NCOA3: variants seen among roughly 807,000 people sequenced by gnomAD.
NCOA3 encodes the protein nuclear receptor coactivator 3.
NCOA3 carries 51 observed loss-of-function variants against 158.8 expected under a neutral mutation model. That is an observed-to-expected ratio of 0.32 (90% confidence interval 0.26 to 0.41). The LOEUF (loss-of-function observed/expected upper bound fraction) is 0.41, where lower values mean the gene tolerates loss of function less well. Among genes scored for constraint, NCOA3 ranks in the 10% least tolerant of loss-of-function variants. NCOA3 has a pLI of 1.00. For synonymous variants in NCOA3, 537 were observed against 592.4 expected (o/e 0.91, Z 1.36); for missense variants, 1,510 against 1,746.6 (o/e 0.86, Z 2.41).
At chr20:47,614,518 T>A (rs55737505) in intron 2 of NCOA3, among the ~76,000 whole-genome samples, 35,036 of 151,944 alleles carry the variant, frequency 0.23, 4,182 homozygotes, top group Middle Eastern at 0.3. Context: ...ACACCAAACC[T>A]CTCTCTAATT....
chr20:47,577,493 G>A (rs1268451957), intron 1 of NCOA3, among the ~76,000 whole-genome samples: 1 of 152,186 alleles, frequency 6.6e-6, no homozygotes, highest in Non-Finnish European at 1.5e-5. Flanking sequence ...ACTCTCATGG[G>A]ACTCTGGTCT....
At chr20:47,587,963 A>C (rs1201670216) in intron 2 of NCOA3, among the ~76,000 whole-genome samples, 1 of 152,026 alleles carries the variant, frequency 6.6e-6, no homozygotes, top group Non-Finnish European at 1.5e-5. Context: ...AATACATCTA[A>C]AATAATTTCA....
rs185952267 is a variant in NCOA3, at chr20:47,521,029, C to T, written c.-99+19010C>T. 2.6e-5 allele frequency among the ~76,000 whole-genome samples: 4 copies of T among 152,362 alleles called. No individual in the cohort carries two copies. In the East Asian group the frequency reaches 7.7e-4, roughly 29 times the overall value. On this transcript the variant is annotated intron_variant, in intron 1 of 22. Coordinates refer to ENST00000371998, the MANE Select transcript of NCOA3 (RefSeq NM_181659.3). ...CACATTTAGCCCTTCAGAATTTGAC[C>T]ACCAAGGAAGTACTCTACCGGCTCC... is the stretch of plus-strand genomic sequence containing the variant.
chr20:47,538,627 TC>T (rs2084673040), intron 1 of NCOA3, among the ~76,000 whole-genome samples: 1 of 151,998 alleles, frequency 6.6e-6, no homozygotes, highest in Non-Finnish European at 1.5e-5. Flanking sequence ...AACCTCTGCC[TC>T]CCGGGTTCAA....
At chr20:47,509,948 A>G (rs1404550979) in intron 1 of NCOA3, among the ~76,000 whole-genome samples, 2 of 152,232 alleles carry the variant, frequency 1.3e-5, no homozygotes, top group Non-Finnish European at 2.9e-5. Context: ...TTGGAACAGT[A>G]GTTGACTACA....
At chr20:47,548,674 A>G (rs2084875980) in intron 1 of NCOA3, among the ~76,000 whole-genome samples, 1 of 152,250 alleles carries the variant, frequency 6.6e-6, no homozygotes, top group Admixed American at 6.5e-5. Context: ...TGCTTTTAAA[A>G]AAGTGTGCAT....
intron 1 of NCOA3, among the ~76,000 whole-genome samples, chr20:47,577,747 A>G (rs1192844130): frequency 1.3e-5 from 2 of 152,256 alleles, no homozygotes; most frequent in African/African-American, 2.4e-5. Flanking sequence ...ATCTAACACA[A>G]GATCATTTCA....
rs2146358141 is a variant in NCOA3 at position 47,656,182 on chromosome 20, A to G, written c.*2765A>G. On this transcript the variant is annotated 3_prime_UTR_variant, in exon 23 of 23. Transcript: ENST00000371998. ...TATATAAATAAAATATATATATTTT[A>G]TAAAGATCAGAATGATATAAAGGAG... 6.7e-6 allele frequency: 1 copy of G among 148,440 alleles called. No homozygotes were observed. The highest frequency in any genetic ancestry group is 6.7e-5 in the Admixed American group (1 of 14,866). The allele number at this position is 148,440 out of a possible 1,614,324, so 9.2% of individuals were successfully genotyped here.
At chr20:47,620,063 G>A (rs907115470) in intron 2 of NCOA3, among the ~76,000 whole-genome samples, 1 of 151,510 alleles carries the variant, frequency 6.6e-6, no homozygotes, top group Non-Finnish European at 1.5e-5. Flanking sequence ...CAAAGTGGTG[G>A]GATTACAGGC....
intron 4 of NCOA3, among the ~76,000 whole-genome samples, chr20:47,625,063 G>A (rs114491520): frequency 3.2e-4 from 48 of 152,216 alleles, no homozygotes; most frequent in African/African-American, 9.6e-4. Context: ...GTGAGCCACC[G>A]CGCTGGGCCT....
chr20:47,507,438 G>A (rs1265924902), intron 1 of NCOA3, among the ~76,000 whole-genome samples: 1 of 152,162 alleles, frequency 6.6e-6, no homozygotes, highest in Non-Finnish European at 1.5e-5. Context: ...CTTGGTTTAT[G>A]TCGACAACCT....
intron 1 of NCOA3, among the ~76,000 whole-genome samples, chr20:47,513,662 G>T (rs2084183551): frequency 7.3e-6 from 1 of 136,984 alleles, no homozygotes; most frequent in African/African-American, 2.7e-5. Context: ...GGAGGCAAAG[G>T]TTGCAGTGAG....
Position 47,651,009 on chromosome 20 carries a change from G to A in NCOA3, c.3679G>A (p.Ala1227Thr), listed in dbSNP as rs200806631. Residue 1227 changes from alanine to threonine, a missense_variant, in exon 20 of 23, where the codon GCC becomes ACC. Ala to Thr is a moderately conservative substitution (Grantham distance 58). Around this residue, in one of 4 missense-constraint regions of NCOA3, gnomAD observed 1,017 missense variants for 1,098.3 expected, o/e 0.93. Coordinates refer to ENST00000371998, the MANE Select transcript of NCOA3 (RefSeq NM_181659.3). Reference protein sequence around the residue: ...QQGFLNAQMVAQRSRELLSHH... With the variant: ...QQGFLNAQMVTQRSRELLSHH... ...GGGTTTTCTTAATGCTCAAATGGTC[G>A]CCCAACGCAGCAGAGAGCTGCTAAG... The A allele has an allele frequency of 9.6e-5, 155 of 1,613,900 alleles. No homozygotes were observed. The highest frequency in any genetic ancestry group is 3.3e-4 in the Middle Eastern group (2 of 6,062).
chr20:47,603,019 A>C (rs1033575602), intron 2 of NCOA3, among the ~76,000 whole-genome samples: 6 of 152,230 alleles, frequency 3.9e-5, no homozygotes, highest in Non-Finnish European at 7.3e-5. Context: ...AGTAATCCTT[A>C]GTCACTTGTA....
intron 1 of NCOA3, among the ~76,000 whole-genome samples, chr20:47,571,776 G>T (rs1017666769): frequency 6.6e-6 from 1 of 152,044 alleles, no homozygotes; most frequent in South Asian, 2.1e-4. Context: ...TCTGCAGGCT[G>T]CAGTGCTGTG....
At chr20:47,526,527 G>C (rs2084453732) in intron 1 of NCOA3, among the ~76,000 whole-genome samples, 1 of 152,244 alleles carries the variant, frequency 6.6e-6, no homozygotes, top group Non-Finnish European at 1.5e-5. Flanking sequence ...GGGAGGCCGA[G>C]GCTGGCGGAT....
At chr20:47,604,865 T>A (rs1374820097) in intron 2 of NCOA3, among the ~76,000 whole-genome samples, 2 of 152,232 alleles carry the variant, frequency 1.3e-5, no homozygotes, top group South Asian at 2.1e-4. Flanking sequence ...AGTTATTTTT[T>A]ATTTTTATTT....
At chr20:47,581,776 T>A (rs900736166) in intron 1 of NCOA3, among the ~76,000 whole-genome samples, 19 of 152,250 alleles carry the variant, frequency 1.2e-4, no homozygotes, top group Admixed American at 1.1e-3. Context: ...TTTCTTCAAG[T>A]GCAAAAGCCT....
In NCOA3 at chr20:47,561,076, C is replaced by T. The variant is rs1226646477; in HGVS notation, c.-98-22107C>T. ...TGACTTCTGGGGCTCAGGCGATCCT[C>T]CTACCGCAGCCTCCAGCCTCCTGAG... On this transcript the variant is annotated intron_variant, in intron 1 of 22. Coordinates refer to ENST00000371998, the MANE Select transcript of NCOA3 (RefSeq NM_181659.3). Among the ~76,000 whole-genome samples the T allele has an allele frequency of 4.0e-5, 6 of 149,316 alleles. No individual in the cohort carries two copies. The Admixed American group carries it at 4.1e-4, about 10-fold the overall frequency.
Sources: gnomAD v4.1 joint callset for allele counts (sites outside exome capture counted in the v4.1 genomes callset) on GRCh38, gnomAD v4.1.1 for gene constraint, gnomAD v4.1.1 regional missense constraint, MANE v1.5 for transcripts, NCBI Gene and HGNC (gene_info 2026-07-23, HGNC 2026-07-21) for gene names.